The following WDR4 variants were observed in gnomAD, a reference collection of about 807,000 sequenced individuals.
WDR4 encodes tRNA (guanine-N(7)-)-methyltransferase non-catalytic subunit WDR4.
WDR4 carries 47 observed loss-of-function variants against 48.6 expected under a neutral mutation model. That is an observed-to-expected ratio of 0.97 (90% confidence interval 0.77 to 1.23). The LOEUF is 1.23. Among genes scored for constraint, WDR4 ranks in the 50% most tolerant of loss-of-function variants. WDR4 has a pLI of 0.00. For synonymous variants in WDR4, 268 were observed against 230.0 expected, an observed-to-expected ratio of 1.17 and a Z score of -1.49; for missense variants, 606 against 551.6, an observed-to-expected ratio of 1.10 and a Z score of -0.99.
intron 3 of WDR4, among the ~76,000 whole-genome samples, chr21:42,868,506 C>G (rs1934253705): frequency 6.6e-6 from 1 of 152,240 alleles, no homozygotes; most frequent in Non-Finnish European, 1.5e-5. Context: ...CCAGACCCAG[C>G]CTCCCCTACC....
At chr21:42,853,451 A>T in intron 9 of WDR4, 118 bp downstream of exon 9, 1 of 1,195,134 alleles carries the variant, frequency 8.4e-7, no homozygotes, top group East Asian at 2.6e-5. Context: ...CCTGGGCCCC[A>T]GAAGTGGCTG....
downstream of WDR4, among the ~76,000 whole-genome samples, chr21:42,845,682 G>A (rs181587593): frequency 1.5e-3 from 229 of 152,322 alleles, 2 homozygotes; most frequent in Middle Eastern, 3.4e-3. Flanking sequence ...CGCCACAGCC[G>A]CAAACACTAG....
the WDR4 span, among the ~76,000 whole-genome samples, chr21:42,891,166 T>TA: frequency 6.6e-6 from 1 of 151,876 alleles, no homozygotes; most frequent in Admixed American, 6.6e-5. Flanking sequence ...CTACTAAAAA[T>TA]ACAAAAATTA....
intron 3 of WDR4, among the ~76,000 whole-genome samples, chr21:42,864,138 A>G (rs1323141146): frequency 6.7e-6 from 1 of 149,026 alleles, no homozygotes; most frequent in Non-Finnish European, 1.5e-5. Flanking sequence ...AAAGAAAAGA[A>G]TAGAAAATTG....
At chr21:42,850,821 G>A (rs77095994) in intron 10 of WDR4, among the ~76,000 whole-genome samples, 8,504 of 152,252 alleles carry the variant, frequency 0.056, 349 homozygotes, top group Non-Finnish European at 0.088. Context: ...GAATGGACAC[G>A]GATTTCATCT....
chr21:42,858,383 G>A (rs1261263817), intron 6 of WDR4, among the ~76,000 whole-genome samples: 3 of 152,168 alleles, frequency 2.0e-5, no homozygotes, highest in African/African-American at 4.8e-5. Context: ...CAGGAAGCGC[G>A]CGGGAAAACC....
chr21:42,848,514 C>T (rs368721549), downstream of WDR4, among the ~76,000 whole-genome samples: 7 of 48,370 alleles, frequency 1.4e-4, no homozygotes, highest in East Asian at 2.7e-3. Context: ...ACGGCGCGCA[C>T]CTCACACAGC....
chr21:42,861,909 T>C (rs2058125576), intron 5 of WDR4, among the ~76,000 whole-genome samples: 1 of 152,164 alleles, frequency 6.6e-6, no homozygotes. Flanking sequence ...CGCTTAATTC[T>C]TGGACAGCTG....
chr21:42,873,373 G>A (rs911279022), intron 3 of WDR4, among the ~76,000 whole-genome samples, 178 bp downstream of exon 3: 4 of 152,142 alleles, frequency 2.6e-5, no homozygotes, highest in African/African-American at 7.2e-5. Flanking sequence ...CAGAACTGCC[G>A]TGAGGATCAG....
At chr21:42,861,185 G>A (rs551256200) in intron 5 of WDR4, among the ~76,000 whole-genome samples, 13 of 152,008 alleles carry the variant, frequency 8.6e-5, no homozygotes, top group South Asian at 2.1e-4. Flanking sequence ...GTGGTGGCAG[G>A]GGCCTGTAGT....
At chr21:42,863,673 G>A (rs913158647) in intron 3 of WDR4, 77 bp from the exon 4 acceptor site, 220 of 1,488,778 alleles carry the variant, frequency 1.5e-4, no homozygotes, top group Non-Finnish European at 1.6e-4. Context: ...GGCCACGTGG[G>A]CGGTGGCAGG....
At chr21:42,857,330 C>T (rs1471896562) in intron 6 of WDR4, among the ~76,000 whole-genome samples, 3 of 152,188 alleles carry the variant, frequency 2.0e-5, no homozygotes, top group Non-Finnish European at 2.9e-5. Flanking sequence ...CAGAAGAGAC[C>T]GACTGACCCA....
rs1261525409 is a variant in WDR4, at chr21:42,862,777, A to G, written c.454-383T>C. Among the ~76,000 whole-genome samples, 1 of 151,822 alleles carries G rather than the reference A, an allele frequency of 6.6e-6. No individual in the cohort carries two copies. On this transcript the variant is annotated intron_variant, in intron 4 of 10. Coordinates refer to ENST00000398208, the MANE Select transcript of WDR4 (RefSeq NM_018669.6). The surrounding 1 kb of genome is among the most constrained non-coding windows in gnomAD (Gnocchi z 4.3). The stretch of plus-strand genomic sequence containing the variant: ...TGCCTTCCTTGCCTTCCTGTCACAC[A>G]TGTCCCCACACCCATCTGTCACCAA...
At chr21:42,864,608 T>C (rs2146058627) in intron 3 of WDR4, among the ~76,000 whole-genome samples, 1 of 152,164 alleles carries the variant, frequency 6.6e-6, no homozygotes, top group African/African-American at 2.4e-5. Context: ...CATCAGCACA[T>C]CCATGAATCC....
chr21:42,877,403 CA>C lies in WDR4; in HGVS notation c.90-637del, dbSNP rs757934725. 1.8e-3 allele frequency among the ~76,000 whole-genome samples: 272 copies of C among 151,108 alleles called. 2 individuals carry two copies. Among genetic ancestry groups the C allele is most frequent in the Non-Finnish European group, 3.1e-3 (209 of 67,864 alleles). On this transcript the variant is annotated intron_variant, in intron 1 of 10. Transcript: ENST00000398208. Reference sequence around the variant, plus strand: ...AGATGATCTGCCCGCCTCAGCCTCCCAAAGTGCTGAGATTATAGGCAGAGCC... The same window carrying C: ...AGATGATCTGCCCGCCTCAGCCTCCCAAGTGCTGAGATTATAGGCAGAGCC...
chr21:42,871,246 T>G (rs2058363370), intron 3 of WDR4, among the ~76,000 whole-genome samples: 1 of 152,138 alleles, frequency 6.6e-6, no homozygotes, highest in Admixed American at 6.5e-5. Flanking sequence ...GTGAGAAAAT[T>G]GTTATTTAAG....
intron 8 of WDR4, among the ~76,000 whole-genome samples, chr21:42,853,962 G>A (rs953265626): frequency 2.6e-4 from 39 of 152,236 alleles, no homozygotes; most frequent in African/African-American, 8.9e-4. Context: ...GGAGTGGCTC[G>A]TGGTGCAGCA....
rs1255804388 is a variant in WDR4, at chr21:42,853,766, AAG to A, written c.792-16_792-15del. Reference sequence around the variant, plus strand: ...ACCACAGGAGTGCTTGCCACGAAGAAAGAGAGCATGATTACTAGGACTGCAGG... The same window carrying A: ...ACCACAGGAGTGCTTGCCACGAAGAAAGAGCATGATTACTAGGACTGCAGG... On this transcript the variant is annotated splice_polypyrimidine_tract_variant and intron_variant, in intron 8 of 10. Transcript: ENST00000398208. 1.3e-6 allele frequency: 2 copies of A among 1,546,808 alleles called. No individual in the cohort carries two copies. The highest frequency in any genetic ancestry group is 2.4e-5 in the East Asian group (1 of 41,200).
chr21:42,859,468 C>T (rs745949970), intron 6 of WDR4, among the ~76,000 whole-genome samples, 194 bp downstream of exon 6: 1 of 152,066 alleles, frequency 6.6e-6, no homozygotes, highest in Non-Finnish European at 1.5e-5. Flanking sequence ...CACGCACCTA[C>T]GCACACCCCA....
Sources: allele counts gnomAD v4.1 joint callset (sites outside exome capture counted in the v4.1 genomes callset), GRCh38; gene constraint gnomAD v4.1.1; non-coding constraint Gnocchi (gnomAD v3.1); transcripts MANE v1.5; gene names NCBI Gene and HGNC (gene_info 2026-07-23, HGNC 2026-07-21).